Variants in VWA8 observed in about 807,000 individuals in gnomAD.
VWA8 encodes the protein von Willebrand factor A domain containing 8.
In VWA8, 221 loss-of-function variants were observed where a neutral mutation model predicts 241.5. That is an observed-to-expected ratio of 0.91 (90% confidence interval 0.82 to 1.02). VWA8 has a LOEUF of 1.02. Among genes scored for constraint, VWA8 ranks in the 50% least tolerant of loss-of-function variants. The pLI, the probability that VWA8 is intolerant of heterozygous loss-of-function variation, is 0.00. For synonymous variants in VWA8, 852 were observed against 827.1 expected (o/e 1.03, Z -0.52); for missense variants, 2,322 against 2,328.7 (o/e 1.00, Z 0.06).
At chr13:41,924,953 T>A (rs963017945) in intron 2 of VWA8, among the ~76,000 whole-genome samples, 5 of 150,592 alleles carry the variant, frequency 3.3e-5, no homozygotes, top group African/African-American at 7.5e-5. Flanking sequence ...CAATAAGCTA[T>A]TCTCCAATGT....
chr13:41,901,893 TA>T (rs1875464381), intron 4 of VWA8, among the ~76,000 whole-genome samples: 2 of 78,930 alleles, frequency 2.5e-5, no homozygotes, highest in African/African-American at 8.6e-5. Context: ...AAAAAAAATA[TA>T]TATATATATA....
At chr13:41,746,417 A>G (rs886079785) in intron 21 of VWA8, among the ~76,000 whole-genome samples, 2 of 152,170 alleles carry the variant, frequency 1.3e-5, no homozygotes, top group Admixed American at 6.6e-5. Context: ...ACTTGCTGGC[A>G]TCTCCAGTTT....
intron 7 of VWA8, among the ~76,000 whole-genome samples, chr13:41,886,464 T>G: frequency 6.6e-6 from 1 of 152,186 alleles, no homozygotes; most frequent in East Asian, 1.9e-4. Context: ...AACTTGCTCA[T>G]TATTTAGGAC....
At chr13:41,838,928 G>C (rs1871865898) in intron 12 of VWA8, among the ~76,000 whole-genome samples, 1 of 152,116 alleles carries the variant, frequency 6.6e-6, no homozygotes, top group African/African-American at 2.4e-5. Flanking sequence ...CCAAGTCTTT[G>C]CTATTGTGAA....
At chr13:41,629,759 G>A (rs1297784889) in intron 37 of VWA8, among the ~76,000 whole-genome samples, 8 of 152,072 alleles carry the variant, frequency 5.3e-5, no homozygotes, top group African/African-American at 1.7e-4. Context: ...GATAACACAT[G>A]ACAAAAATAC....
intron 17 of VWA8, among the ~76,000 whole-genome samples, chr13:41,795,986 G>A (rs146923345): frequency 4.6e-5 from 7 of 151,946 alleles, no homozygotes; most frequent in African/African-American, 1.7e-4. Context: ...TAAATAAAAT[G>A]CATCTAAAAA....
chr13:41,845,517 T>C (rs1872252143), intron 12 of VWA8, among the ~76,000 whole-genome samples: 1 of 151,950 alleles, frequency 6.6e-6, no homozygotes, highest in Non-Finnish European at 1.5e-5. Flanking sequence ...CATGCACATG[T>C]ATGTTTACTG....
At chr13:41,841,763 C>T (rs1197040582) in intron 12 of VWA8, among the ~76,000 whole-genome samples, 3 of 110,226 alleles carry the variant, frequency 2.7e-5, no homozygotes, top group African/African-American at 7.2e-5. Flanking sequence ...CCACCCTGGG[C>T]GACAGAGCGA....
chr13:41,880,064 A>G (rs546114295), intron 9 of VWA8, among the ~76,000 whole-genome samples: 1 of 152,222 alleles, frequency 6.6e-6, no homozygotes, highest in Non-Finnish European at 1.5e-5. Flanking sequence ...GGAAAACACC[A>G]CTGTTAACTA....
intron 14 of VWA8, among the ~76,000 whole-genome samples, chr13:41,821,310 G>A (rs1050669905): frequency 1.3e-5 from 2 of 152,162 alleles, no homozygotes; most frequent in Admixed American, 6.5e-5. Context: ...ATGTTAGGCA[G>A]AGAAATGTAT....
At chr13:41,847,570 C>T (rs1566480073) in intron 12 of VWA8, among the ~76,000 whole-genome samples, 2 of 152,090 alleles carry the variant, frequency 1.3e-5, no homozygotes, top group Admixed American at 6.5e-5. Context: ...GGTCACATAG[C>T]GCAGTGGTTC....
intron 19 of VWA8, among the ~76,000 whole-genome samples, chr13:41,783,421 C>T (rs1027257128): frequency 3.3e-5 from 5 of 151,636 alleles, no homozygotes; most frequent in East Asian, 1.9e-4. Context: ...AGGTGGATCA[C>T]GAGGTCAGGA....
At chr13:41,959,605 G>GTTTTTTTT (rs1566052716) in intron 1 of VWA8, among the ~76,000 whole-genome samples, 1 of 54,342 alleles carries the variant, frequency 1.8e-5, no homozygotes, top group African/African-American at 4.9e-5. Context: ...ACCTAAATAT[G>GTTTTTTTT]CTTTTTTTTT....
intron 2 of VWA8, among the ~76,000 whole-genome samples, chr13:41,917,087 T>C (rs1178472689): frequency 2.6e-5 from 4 of 152,234 alleles, no homozygotes; most frequent in Non-Finnish European, 5.9e-5. Context: ...AAAAAATATG[T>C]ACTATTTTTT....
intron 16 of VWA8, among the ~76,000 whole-genome samples, chr13:41,812,528 A>G (rs550631449): frequency 3.9e-5 from 6 of 152,280 alleles, no homozygotes; most frequent in African/African-American, 1.4e-4. Context: ...AGGGTTCAGA[A>G]TGGATGAGGG....
intron 28 of VWA8, 42 bp from the exon 29 acceptor site, chr13:41,699,312 A>G (rs774015223): frequency 1.2e-5 from 19 of 1,596,284 alleles, no homozygotes; most frequent in Non-Finnish European, 1.5e-5. Flanking sequence ...CTGGCAACCA[A>G]TTCTCTAATT....
intron 17 of VWA8, among the ~76,000 whole-genome samples, chr13:41,806,167 T>C (rs1482252969): frequency 1.3e-5 from 2 of 151,652 alleles, no homozygotes; most frequent in Non-Finnish European, 2.9e-5. Flanking sequence ...AGAAGAAAAC[T>C]GAAAAATTTA....
intron 34 of VWA8, among the ~76,000 whole-genome samples, chr13:41,685,598 TG>T (rs1357504429): frequency 6.6e-6 from 1 of 152,160 alleles, no homozygotes; most frequent in East Asian, 1.9e-4. Flanking sequence ...CATTTGGATG[TG>T]GTACAGGAAG....
At position 41,567,933 on chromosome 13, in the gene VWA8, C is replaced by A. The variant is rs1056688485; in HGVS notation, c.*264G>T. On this transcript the variant is annotated 3_prime_UTR_variant, in exon 45 of 45. Coordinates refer to ENST00000379310, the MANE Select transcript of VWA8 (RefSeq NM_015058.2). ...AGTTCTCAAAACCACCTTCCTTTAA[C>A]CCCAACCTTTGATAAAGTGCAGGTC... 2.9e-6 allele frequency: 1 copy of A among 345,198 alleles called. No individual in the cohort carries two copies. The highest frequency in any genetic ancestry group is 5.2e-6 in the Non-Finnish European group (1 of 191,828). The allele number at this position is 345,198 out of a possible 1,614,324, so 21.4% of individuals were successfully genotyped here.
Sources: gnomAD v4.1 joint callset for allele counts (sites outside exome capture counted in the v4.1 genomes callset) on GRCh38, gnomAD v4.1.1 for gene constraint, MANE v1.5 for transcripts, NCBI Gene and HGNC (gene_info 2026-07-23, HGNC 2026-07-21) for gene names.